The following ENPP1 variants were observed in gnomAD, a reference collection of about 807,000 sequenced individuals.
ENPP1 encodes the protein ectonucleotide pyrophosphatase/phosphodiesterase family member 1.
A neutral mutation model predicts 122.8 loss-of-function variants in ENPP1; 73 were observed. The ratio of observed to expected loss-of-function variants is 0.59; its 90% CI spans 0.49 to 0.72. The LOEUF (loss-of-function observed/expected upper bound fraction) is 0.72. Ranked by LOEUF, ENPP1 falls within the 30% of genes least tolerant of loss-of-function variation. The pLI is 0.00. For synonymous variants in ENPP1, 367 were observed against 391.6 expected (o/e 0.94, Z 0.74); for missense variants, 978 against 1,128.1 (o/e 0.87, Z 1.91).
At chr6:131,814,792 T>G (rs1781395276) in intron 1 of ENPP1, among the ~76,000 whole-genome samples, 1 of 152,214 alleles carries the variant, frequency 6.6e-6, no homozygotes, top group South Asian at 2.1e-4. Context: ...GTTCTCTGTG[T>G]CCCTTATGGT....
In ENPP1 at chr6:131,886,595, G is replaced by C; in HGVS notation, c.2478G>C (p.Leu826Phe). 3.1e-6 allele frequency: 5 copies of C among 1,613,816 alleles called. No homozygotes were observed. Among genetic ancestry groups the C allele is most frequent in the East Asian group, 4.5e-5 (2 of 44,856 alleles). ...KRRVIRNQEI[L>F]IPTHFFIVLT... Reference sequence around the variant, plus strand: ...GAGTCATCCGTAACCAAGAAATTTTGATTCCAACTCACTTCTTTATTGTGC... The same window carrying C: ...GAGTCATCCGTAACCAAGAAATTTTCATTCCAACTCACTTCTTTATTGTGC... The change falls in exon 24 of 25, where the codon TTG becomes TTC. Residue 826 changes from leucine to phenylalanine, a missense_variant. This residue lies in a region of ENPP1 where 644 missense variants were observed against 781.5 expected (regional missense o/e 0.82). Transcript: ENST00000647893.
Position 131,846,021 on chromosome 6 carries a change from G to T in ENPP1, c.241-1755G>T, listed in dbSNP as rs559351833. On this transcript the variant is annotated intron_variant, in intron 1 of 24. Coordinates refer to ENST00000647893, the MANE Select transcript of ENPP1 (RefSeq NM_006208.3). ...TTTCTTTTATCCATTTTATTTTGAA[G>T]TAAGTAAGACCTGCTGCCTCACTTT... 1.1e-4 allele frequency among the ~76,000 whole-genome samples: 16 copies of T among 152,166 alleles called. No homozygotes were observed. The South Asian group carries it at 3.1e-3, about 30-fold the overall frequency.
At chr6:131,842,009 T>C (rs1781746456) in intron 1 of ENPP1, among the ~76,000 whole-genome samples, 1 of 152,038 alleles carries the variant, frequency 6.6e-6, no homozygotes, top group African/African-American at 2.4e-5. Context: ...ATTTGTTCCC[T>C]CCCTTTTCCC....
At chr6:131,867,013 G>A (rs1224982512) in intron 11 of ENPP1, among the ~76,000 whole-genome samples, 2 of 152,182 alleles carry the variant, frequency 1.3e-5, no homozygotes, top group Non-Finnish European at 2.9e-5. Context: ...TTCACTAACA[G>A]TGTGCCAAAG....
chr6:131,823,132 C>A (rs368395142), intron 1 of ENPP1, among the ~76,000 whole-genome samples: 1 of 152,194 alleles, frequency 6.6e-6, no homozygotes, highest in East Asian at 1.9e-4. Context: ...TATTTGTCAA[C>A]CACTTAGAGT....
intron 13 of ENPP1, among the ~76,000 whole-genome samples, chr6:131,871,681 A>G (rs1782163707): frequency 2.0e-5 from 3 of 152,230 alleles, no homozygotes. Context: ...CAGTGAAACC[A>G]TACCAGATCT....
intron 1 of ENPP1, among the ~76,000 whole-genome samples, chr6:131,841,410 GCA>G (rs1156668855): frequency 7.9e-5 from 12 of 152,280 alleles, no homozygotes; most frequent in African/African-American, 2.9e-4. Flanking sequence ...ATTTCAAATG[GCA>G]CTTTCATACC....
At chr6:131,883,273 A>G (rs1025773438) in intron 21 of ENPP1, among the ~76,000 whole-genome samples, 7 of 152,226 alleles carry the variant, frequency 4.6e-5, no homozygotes, top group East Asian at 3.8e-4. Flanking sequence ...GAAGCCTTGT[A>G]TGGTGTTTCG....
chr6:131,851,673 G>A (rs551636219), intron 4 of ENPP1, among the ~76,000 whole-genome samples: 11 of 152,292 alleles, frequency 7.2e-5, no homozygotes, highest in Non-Finnish European at 1.3e-4. Context: ...ACTGTCTGCT[G>A]TGCATTGAGA....
At chr6:131,874,384 T>G (rs372831334) in intron 16 of ENPP1, 47 bp downstream of exon 16, 6 of 1,079,706 alleles carry the variant, frequency 5.6e-6, no homozygotes, top group Non-Finnish European at 7.1e-6. Context: ...AAAGAAAAAA[T>G]GATATGCAAA....
chr6:131,852,914 T>G (rs982423887), intron 5 of ENPP1, among the ~76,000 whole-genome samples: 1 of 152,152 alleles, frequency 6.6e-6, no homozygotes, highest in Non-Finnish European at 1.5e-5. Context: ...AGATATTTTG[T>G]ACAGGGTCTT....
chr6:131,864,959 A>T, intron 11 of ENPP1, 21 bp downstream of exon 11: 1 of 1,454,814 alleles, frequency 6.9e-7, no homozygotes, highest in Non-Finnish European at 9.7e-7. Context: ...TTTTATCAGT[A>T]ATTATTTCAT....
chr6:131,855,338 A>AT (rs1781931949), intron 6 of ENPP1, among the ~76,000 whole-genome samples: 1 of 152,034 alleles, frequency 6.6e-6, no homozygotes. Context: ...AAATATTATT[A>AT]TTTTTGAGAC....
chr6:131,881,475 G>C (rs1425398349), intron 20 of ENPP1, among the ~76,000 whole-genome samples: 2 of 152,160 alleles, frequency 1.3e-5, no homozygotes, highest in Non-Finnish European at 1.5e-5. Context: ...TGCGATGCTT[G>C]AGGTTTTTAC....
chr6:131,876,861 T>C, intron 17 of ENPP1, 131 bp from the exon 18 acceptor site: 2 of 799,968 alleles, frequency 2.5e-6, no homozygotes, highest in Non-Finnish European at 4.2e-6. Context: ...AAGAGAGTTT[T>C]ATACTTTTAT....
intron 1 of ENPP1, 147 bp from the exon 2 acceptor site, chr6:131,847,629 C>T: frequency 1.6e-6 from 1 of 619,006 alleles, no homozygotes; most frequent in Non-Finnish European, 2.8e-6. Context: ...TCCCTTGATG[C>T]CAGGATTTCG....
Position 131,893,137 on chromosome 6 carries a change from G to A in ENPP1, c.*2626G>A, listed in dbSNP as rs945877089. On this transcript the variant is annotated 3_prime_UTR_variant, in exon 25 of 25. Transcript: ENST00000647893. ...GGATGTCTACTCTGCCTTTGTAGAAGTGTCTCACTGATTTTTACATATTTT... is the reference window on the plus strand; with the variant it reads ...GGATGTCTACTCTGCCTTTGTAGAAATGTCTCACTGATTTTTACATATTTT... 18 of 152,082 alleles carry A rather than the reference G, an allele frequency of 1.2e-4. 1 individual carries two copies. Among genetic ancestry groups the A allele is most frequent in the African/African-American group, 3.9e-4 (16 of 41,480 alleles). 9.4% of individuals were successfully genotyped at this position (152,082 alleles called of 1,614,324 possible).
intron 13 of ENPP1, among the ~76,000 whole-genome samples, chr6:131,870,559 C>T (rs1430482657): frequency 1.3e-5 from 2 of 152,026 alleles, no homozygotes; most frequent in African/African-American, 4.8e-5. Context: ...CTGACAATTA[C>T]CGGAATTGGG....
At chr6:131,847,648 G>A (rs796921956) in intron 1 of ENPP1, 128 bp from the exon 2 acceptor site, 2 of 676,192 alleles carry the variant, frequency 3.0e-6, no homozygotes, top group Non-Finnish European at 5.0e-6. Flanking sequence ...CGAGGTTACA[G>A]TGAACTATGA....
Sources: gnomAD v4.1 joint callset for allele counts (sites outside exome capture counted in the v4.1 genomes callset) on GRCh38, gnomAD v4.1.1 for gene constraint, gnomAD v4.1.1 regional missense constraint, MANE v1.5 for transcripts, NCBI Gene and HGNC (gene_info 2026-07-23, HGNC 2026-07-21) for gene names.